AP2A2: variants seen among roughly 807,000 people sequenced by gnomAD.
AP2A2 encodes AP-2 complex subunit alpha-2.
Under a neutral mutation model 104.2 loss-of-function variants are expected in AP2A2, and 32 were observed. That is an observed-to-expected ratio of 0.31 (90% confidence interval 0.23 to 0.41). AP2A2 has a LOEUF of 0.41. Among genes scored for constraint, AP2A2 ranks in the 10% least tolerant of loss-of-function variants. The probability of loss-of-function intolerance (pLI) is 1.00; values close to 1 mark genes in which losing one functional copy is unlikely to be tolerated. For missense variants in AP2A2, 912 were observed against 1,261.0 expected (o/e 0.72, Z 4.19); for synonymous variants, 539 against 533.3 (o/e 1.01, Z -0.15).
chr11:947,651 T>C (rs34131575), intron 1 of AP2A2, among the ~76,000 whole-genome samples: 72,578 of 151,588 alleles, frequency 0.48, 18,262 homozygotes, highest in Middle Eastern at 0.65. Flanking sequence ...CAAAAATTAG[T>C]TGGGCATGGT....
At position 977,110 on chromosome 11, in the gene AP2A2, C is replaced by T. The variant is rs377743784; in HGVS notation, c.489C>T (p.Ser163=). ...KVLVAGDTMD[S]VKQSAALCLL... is the part of the protein sequence containing the mutation. ...TGTCTTTCAGAGACACTATGGACAG[C>T]GTGAAGCAGAGCGCGGCCCTGTGCT... Residue 163 remains serine, a synonymous_variant, in exon 5 of 22, where the codon AGC becomes AGT. Transcript: ENST00000448903. 15 of 1,613,704 alleles carry T rather than the reference C, an allele frequency of 9.3e-6. No individual in the cohort carries two copies. The highest frequency in any genetic ancestry group is 3.3e-5 in the South Asian group (3 of 91,056).
chr11:982,616 A>G (rs1855287052), intron 6 of AP2A2, among the ~76,000 whole-genome samples: 1 of 152,030 alleles, frequency 6.6e-6, no homozygotes, highest in Admixed American at 6.6e-5. Flanking sequence ...ATTAACTGGT[A>G]AAAACATTTG....
At chr11:984,788 A>G (rs1226285422) in intron 7 of AP2A2, 35 bp downstream of exon 7, 1 of 1,483,094 alleles carries the variant, frequency 6.7e-7, no homozygotes, top group Non-Finnish European at 9.4e-7. Context: ...AAGCTGCACC[A>G]GTGCCAGTCT....
chr11:985,539 G>T lies in AP2A2; in HGVS notation c.919G>T (p.Ala307Ser). ...KKVQHSNAKN[A>S]VLFEAISLII... ...GGTCCAGCACTCCAACGCGAAGAAT[G>T]CCGTGCTCTTCGAGGCCATCAGCTT... The change falls in exon 8 of 22, where the codon GCC becomes TCC. Residue 307 changes from alanine to serine, a missense_variant. Transcript: ENST00000448903. 6.2e-7 allele frequency: 1 copy of T among 1,613,958 alleles called. No individual in the cohort carries two copies. Among genetic ancestry groups the T allele is most frequent in the African/African-American group, 1.3e-5 (1 of 75,042 alleles).
chr11:932,001 G>C (rs1477771275), intron 1 of AP2A2, among the ~76,000 whole-genome samples: 3 of 151,900 alleles, frequency 2.0e-5, no homozygotes, highest in Non-Finnish European at 4.4e-5. Context: ...GGGTTTCACT[G>C]TATTAGCCAG....
chr11:934,084 A>G (rs1853375145), intron 1 of AP2A2, among the ~76,000 whole-genome samples: 1 of 151,940 alleles, frequency 6.6e-6, no homozygotes, highest in South Asian at 2.1e-4. Context: ...AGGCCAGGGA[A>G]GTCCTGACTC....
At chr11:990,040 A>G (rs1855593716) in intron 10 of AP2A2, among the ~76,000 whole-genome samples, 1 of 151,734 alleles carries the variant, frequency 6.6e-6, no homozygotes, top group Non-Finnish European at 1.5e-5. Context: ...CAGGTGAGAG[A>G]CTCGGGTTTT....
At chr11:958,970 T>C (rs543746974) in intron 1 of AP2A2, among the ~76,000 whole-genome samples, 40 of 152,318 alleles carry the variant, frequency 2.6e-4, no homozygotes, top group Middle Eastern at 3.4e-3. Context: ...ACTGTGGAGG[T>C]GAATTTATAA....
Position 1,010,911 on chromosome 11 carries a change from G to A in AP2A2, c.*286G>A. 1.5e-6 allele frequency: 1 copy of A among 680,046 alleles called. No homozygotes were observed. The highest frequency in any genetic ancestry group is 2.6e-6 in the Non-Finnish European group (1 of 377,424). 42.1% of individuals were successfully genotyped at this position (680,046 alleles called of 1,614,324 possible). On this transcript the variant is annotated 3_prime_UTR_variant, in exon 22 of 22. Coordinates refer to ENST00000448903, the MANE Select transcript of AP2A2 (RefSeq NM_012305.4). ...CTGTGGTTAAATCTACAAATTAAAGGGAAATTAGAAGTTGGCGTGAACGTG... is the reference window on the plus strand; with the variant it reads ...CTGTGGTTAAATCTACAAATTAAAGAGAAATTAGAAGTTGGCGTGAACGTG...
intron 16 of AP2A2, among the ~76,000 whole-genome samples, chr11:1,004,210 C>T (rs1476581273): frequency 1.3e-5 from 2 of 152,318 alleles, no homozygotes; most frequent in Non-Finnish European, 2.9e-5. Flanking sequence ...CAGTGGCTCA[C>T]GCTTGTAACC....
intron 15 of AP2A2, 67 bp downstream of exon 15, chr11:1,000,665 C>T: frequency 6.8e-7 from 1 of 1,469,376 alleles, no homozygotes; most frequent in Non-Finnish European, 9.1e-7. Flanking sequence ...TCTGGTGTGG[C>T]CGCGGCCAGC....
chr11:973,582 C>G (rs908612249), intron 4 of AP2A2, among the ~76,000 whole-genome samples: 1 of 152,218 alleles, frequency 6.6e-6, no homozygotes, highest in Non-Finnish European at 1.5e-5. Context: ...GGCACTGTTG[C>G]TCCTCAGGCC....
chr11:929,897 G>A (rs1167580995), intron 1 of AP2A2, among the ~76,000 whole-genome samples: 2 of 151,952 alleles, frequency 1.3e-5, no homozygotes, highest in Admixed American at 1.3e-4. Flanking sequence ...TGAGGTGGGC[G>A]GATCACCTGA....
intron 1 of AP2A2, among the ~76,000 whole-genome samples, chr11:955,631 G>A (rs1243650020): frequency 6.6e-6 from 1 of 152,198 alleles, no homozygotes; most frequent in Non-Finnish European, 1.5e-5. Context: ...GCTTGGGTCG[G>A]GGAGCCGCCA....
chr11:953,543 G>A (rs1854121391), intron 1 of AP2A2, among the ~76,000 whole-genome samples: 1 of 109,120 alleles, frequency 9.2e-6, no homozygotes, highest in African/African-American at 3.1e-5. Context: ...TCTACCGTAA[G>A]AGCCCCCCCC....
intron 15 of AP2A2, among the ~76,000 whole-genome samples, chr11:1,002,008 C>T (rs1358409321): frequency 3.3e-5 from 5 of 152,340 alleles, no homozygotes; most frequent in Admixed American, 1.3e-4. Flanking sequence ...TGCTGGCACA[C>T]GGCTCACAGG....
At chr11:933,623 AATAGC>A in intron 1 of AP2A2, 1 of 456,162 alleles carries the variant, frequency 2.2e-6, no homozygotes, top group Non-Finnish European at 4.4e-6. Context: ...CCCTATTTTA[AATAGC>A]GCCCTGGAGA....
At chr11:943,646 C>A (rs1444023440) in intron 1 of AP2A2, among the ~76,000 whole-genome samples, 1 of 152,092 alleles carries the variant, frequency 6.6e-6, no homozygotes, top group African/African-American at 2.4e-5. Context: ...AGAGTCCCAA[C>A]TGGAGATGCA....
At chr11:929,019 C>T (rs995733320) in intron 1 of AP2A2, among the ~76,000 whole-genome samples, 2 of 152,140 alleles carry the variant, frequency 1.3e-5, no homozygotes, top group African/African-American at 4.8e-5. Flanking sequence ...AGGTGCATGC[C>T]AGAGAAGACC....
Sources: allele counts gnomAD v4.1 joint callset (sites outside exome capture counted in the v4.1 genomes callset), GRCh38; gene constraint gnomAD v4.1.1; transcripts MANE v1.5; gene names NCBI Gene and HGNC (gene_info 2026-07-23, HGNC 2026-07-21).